Variants in ROBO2 observed in about 807,000 individuals in gnomAD.
ROBO2 encodes the protein roundabout guidance receptor 2, also known as roundabout homolog 2.
In ROBO2, 53 loss-of-function variants were observed where a neutral mutation model predicts 160.8. That is an observed-to-expected ratio of 0.33 (90% CI 0.26 to 0.41). The LOEUF (loss-of-function observed/expected upper bound fraction) is 0.41, where lower values mean the gene tolerates loss of function less well. Among genes scored for constraint, ROBO2 ranks in the 10% least tolerant of loss-of-function variants. The pLI, the probability that ROBO2 is intolerant of heterozygous loss-of-function variation, is 1.00. For synonymous variants in ROBO2, 664 were observed against 611.7 expected (o/e 1.09, Z -1.26); for missense variants, 1,577 against 1,722.4 (o/e 0.92, Z 1.49).
intron 2 of ROBO2, among the ~76,000 whole-genome samples, chr3:77,033,113 A>G (rs1483648777): frequency 6.6e-6 from 1 of 152,192 alleles, no homozygotes; most frequent in Non-Finnish European, 1.5e-5. Flanking sequence ...TCTTTGTTTT[A>G]TAATTAAGGT....
intron 2 of ROBO2, among the ~76,000 whole-genome samples, chr3:76,305,625 G>A (rs1342348764): frequency 6.6e-6 from 1 of 150,828 alleles, no homozygotes; most frequent in Non-Finnish European, 1.5e-5. Context: ...TGGGTGTGGT[G>A]GTGGGTGCTT....
At chr3:77,020,179 A>T (rs1250175623) in intron 2 of ROBO2, among the ~76,000 whole-genome samples, 2 of 152,220 alleles carry the variant, frequency 1.3e-5, no homozygotes, top group Non-Finnish European at 2.9e-5. Context: ...TACTTTAGAA[A>T]TTCACCTCAC....
rs146705591 is a variant in ROBO2, at chr3:76,843,473, A to G, written c.110-254541A>G. Among the ~76,000 whole-genome samples the G allele has an allele frequency of 8.1e-3, 1,238 of 152,060 alleles. 24 individuals are homozygous for G. Among genetic ancestry groups the G allele is most frequent in the African/African-American group, 0.028 (1,144 of 41,526 alleles). On this transcript the variant is annotated intron_variant, in intron 2 of 26. Transcript: ENST00000487694. ...GGCACTGGTCTGTGTGGCTGGTGAC[A>G]TTTTCCTGAGCTCAGTTTTCTTTAC...
chr3:76,592,384 C>A (rs1469615713), intron 2 of ROBO2, among the ~76,000 whole-genome samples: 1 of 152,074 alleles, frequency 6.6e-6, no homozygotes, highest in African/African-American at 2.4e-5. Flanking sequence ...CTAACCTAGA[C>A]AGATGCTCAA....
intron 2 of ROBO2, among the ~76,000 whole-genome samples, chr3:76,019,019 A>G (rs536307148): frequency 1.5e-3 from 227 of 151,702 alleles, no homozygotes; most frequent in African/African-American, 5.2e-3. Flanking sequence ...TTCCGTGTGT[A>G]TCTGAGAATA....
intron 2 of ROBO2, among the ~76,000 whole-genome samples, chr3:77,260,966 C>T (rs760204058): frequency 9.9e-5 from 15 of 152,110 alleles, no homozygotes; most frequent in South Asian, 2.1e-4. Context: ...TGGAAGCCTC[C>T]TCCTGGTAGC....
At chr3:77,071,134 T>G (rs1318406954) in intron 1 of ROBO2, among the ~76,000 whole-genome samples, 1 of 152,186 alleles carries the variant, frequency 6.6e-6, no homozygotes, top group Non-Finnish European at 1.5e-5. Context: ...CTCTTTACTT[T>G]AAGAACAGCT....
chr3:77,621,829 A>G (rs1033808821), intron 22 of ROBO2, among the ~76,000 whole-genome samples: 27 of 152,204 alleles, frequency 1.8e-4, no homozygotes, highest in Admixed American at 6.5e-4. Context: ...AGCAGGCAGC[A>G]TGGGTTACAC....
intron 2 of ROBO2, among the ~76,000 whole-genome samples, chr3:77,345,935 G>C (rs543480950): frequency 5.9e-5 from 9 of 152,214 alleles, no homozygotes. Flanking sequence ...TTGTATGGCG[G>C]CTAAGATGGT....
chr3:77,170,146 T>G (rs1447921434), intron 2 of ROBO2, among the ~76,000 whole-genome samples: 1 of 152,170 alleles, frequency 6.6e-6, no homozygotes, highest in Non-Finnish European at 1.5e-5. Context: ...TTCCTGTCTT[T>G]TCTTTATTCA....
chr3:76,937,571 A>T (rs773310482), intron 2 of ROBO2, among the ~76,000 whole-genome samples: 1 of 145,622 alleles, frequency 6.9e-6, no homozygotes, highest in African/African-American at 2.8e-5. Context: ...CCAATAAAAT[A>T]AAATAGTAAT....
chr3:77,497,760 C>T (rs1410914363), intron 5 of ROBO2, among the ~76,000 whole-genome samples: 1 of 151,946 alleles, frequency 6.6e-6, no homozygotes, highest in African/African-American at 2.4e-5. Flanking sequence ...AGGTGAGTTT[C>T]CATCTTATGC....
At chr3:75,960,633 G>T (rs1458614479) in intron 2 of ROBO2, among the ~76,000 whole-genome samples, 1 of 151,762 alleles carries the variant, frequency 6.6e-6, no homozygotes, top group Non-Finnish European at 1.5e-5. Context: ...TATGCTAAAT[G>T]AATTTCTGTT....
At chr3:76,822,668 T>C (rs2066223254) in intron 2 of ROBO2, among the ~76,000 whole-genome samples, 1 of 151,430 alleles carries the variant, frequency 6.6e-6, no homozygotes, top group South Asian at 2.1e-4. Flanking sequence ...ACAAATAATA[T>C]AGTAGGAGAA....
At chr3:77,430,332 T>C (rs1316150277) in intron 2 of ROBO2, among the ~76,000 whole-genome samples, 1 of 152,278 alleles carries the variant, frequency 6.6e-6, no homozygotes, top group Non-Finnish European at 1.5e-5. Context: ...AGTTTTGTTG[T>C]TGATATGGCT....
At chr3:76,173,263 TATAC>T (rs539264460) in intron 2 of ROBO2, among the ~76,000 whole-genome samples, 44 of 151,672 alleles carry the variant, frequency 2.9e-4, no homozygotes, top group Admixed American at 1.1e-3. Flanking sequence ...TGTATATATG[TATAC>T]ATACATACAT....
intron 1 of ROBO2, among the ~76,000 whole-genome samples, chr3:77,092,690 A>C (rs1218337451): frequency 6.7e-6 from 1 of 148,288 alleles, no homozygotes; most frequent in Non-Finnish European, 1.5e-5. Context: ...TGATTGCCCA[A>C]TTAATAATTG....
intron 2 of ROBO2, among the ~76,000 whole-genome samples, chr3:76,956,485 A>T (rs2079269467): frequency 1.3e-5 from 2 of 150,276 alleles, no homozygotes; most frequent in Admixed American, 6.7e-5. Context: ...TGAATCCAGG[A>T]GGCAGAGCTT....
intron 2 of ROBO2, among the ~76,000 whole-genome samples, chr3:77,331,247 T>G (rs1423410251): frequency 2.0e-5 from 3 of 152,218 alleles, no homozygotes; most frequent in Non-Finnish European, 4.4e-5. Flanking sequence ...AACTTTATGT[T>G]TAGTGAAAGT....
Sources: allele counts gnomAD v4.1 joint callset (sites outside exome capture counted in the v4.1 genomes callset), GRCh38; gene constraint gnomAD v4.1.1; transcripts MANE v1.5; gene names NCBI Gene and HGNC (gene_info 2026-07-23, HGNC 2026-07-21).